The following BABAM2 variants were observed in gnomAD, a reference collection of about 807,000 sequenced individuals.
BABAM2 encodes BRISC and BRCA1-A complex member 2.
BABAM2 carries 31 observed loss-of-function variants against 54.7 expected under a neutral mutation model. The observed-to-expected ratio is 0.57, with a 90% confidence interval of 0.43 to 0.77. The LOEUF (loss-of-function observed/expected upper bound fraction) is 0.77. BABAM2 is among the 30% of genes least tolerant of loss of function. The pLI, the probability that BABAM2 is intolerant of heterozygous loss-of-function variation, is 0.00. For missense variants in BABAM2, 364 were observed against 455.8 expected (o/e 0.80, Z 1.83); for synonymous variants, 167 against 162.9 (o/e 1.03, Z -0.19).
chr2:28,216,179 A>G (rs146102983), intron 7 of BABAM2, among the ~76,000 whole-genome samples: 1,820 of 152,344 alleles, frequency 0.012, 28 homozygotes, highest in South Asian at 0.051. Flanking sequence ...TTTAATTGCC[A>G]TATTTTAAAA....
chr2:28,290,996 AAAG>A (rs1687238307), intron 10 of BABAM2, among the ~76,000 whole-genome samples: 1 of 152,224 alleles, frequency 6.6e-6, no homozygotes, highest in African/African-American at 2.4e-5. Flanking sequence ...AAAACCACTT[AAAG>A]AAGGGTGGTA....
chr2:28,117,055 C>T (rs1471091402), intron 6 of BABAM2, among the ~76,000 whole-genome samples: 2 of 152,168 alleles, frequency 1.3e-5, no homozygotes, highest in Non-Finnish European at 2.9e-5. Flanking sequence ...GCAGTGAGTG[C>T]AAGGTGTTCT....
At chr2:28,083,583 C>A (rs182894030) in intron 6 of BABAM2, among the ~76,000 whole-genome samples, 8 of 152,078 alleles carry the variant, frequency 5.3e-5, no homozygotes, top group Admixed American at 2.6e-4. Context: ...CCTAACCAGC[C>A]CTCCCTTCCT....
intron 6 of BABAM2, among the ~76,000 whole-genome samples, chr2:28,105,246 T>A (rs1020367928): frequency 1.3e-5 from 2 of 152,144 alleles, no homozygotes. Context: ...AAAGTATTGC[T>A]TTAGCATCTC....
rs939187844 is a variant in BABAM2, at chr2:28,325,287, C to T, written c.1089-13163C>T. Among the ~76,000 whole-genome samples the T allele has an allele frequency of 1.5e-4, 23 of 152,210 alleles. No individual in the cohort carries two copies. The highest frequency in any genetic ancestry group is 1.6e-4 in the Non-Finnish European group (11 of 68,042). ...TACCTGCTGTCAGCATGTGCAGGGC[C>T]CGAGCTGGTGCAGTGTGGAGTGATC... On this transcript the variant is annotated intron_variant, in intron 11 of 11. Transcript: ENST00000379624. The surrounding 1 kb of genome is among the most constrained non-coding windows in gnomAD (Gnocchi z 4.3).
intron 2 of BABAM2, among the ~76,000 whole-genome samples, chr2:27,920,933 T>C (rs747089442): frequency 4.6e-5 from 7 of 152,236 alleles, no homozygotes; most frequent in Admixed American, 2.6e-4. Context: ...GTTTTAAAGG[T>C]TGTAGAATAT....
At chr2:27,981,658 T>C (rs1054763978) in intron 3 of BABAM2, among the ~76,000 whole-genome samples, 2 of 152,134 alleles carry the variant, frequency 1.3e-5, no homozygotes, top group Non-Finnish European at 2.9e-5. Context: ...TAGCTTAATG[T>C]TTTCAAGGTT....
intron 7 of BABAM2, among the ~76,000 whole-genome samples, chr2:28,193,447 A>G (rs1387379318): frequency 1.3e-5 from 2 of 152,116 alleles, no homozygotes; most frequent in Non-Finnish European, 2.9e-5. Context: ...TCGGCAAGTC[A>G]TGTGTCACTG....
chr2:28,117,028 T>A (rs1247346706), intron 6 of BABAM2, among the ~76,000 whole-genome samples: 1 of 152,198 alleles, frequency 6.6e-6, no homozygotes, highest in Non-Finnish European at 1.5e-5. Flanking sequence ...ACCTTTTCCT[T>A]CATTGATTGA....
At chr2:27,903,139 G>C (rs937051298) in intron 2 of BABAM2, among the ~76,000 whole-genome samples, 1 of 138,992 alleles carries the variant, frequency 7.2e-6, no homozygotes, top group Non-Finnish European at 1.5e-5. Flanking sequence ...CTCATTTATT[G>C]AGAAGGCCAT....
At chr2:27,985,922 TAGTC>T (rs1425000252) in intron 3 of BABAM2, among the ~76,000 whole-genome samples, 1 of 152,164 alleles carries the variant, frequency 6.6e-6, no homozygotes, top group Non-Finnish European at 1.5e-5. Context: ...ATGGCGTAAT[TAGTC>T]AGGATTTTAA....
intron 10 of BABAM2, among the ~76,000 whole-genome samples, chr2:28,289,888 G>C (rs970437313): frequency 6.6e-6 from 1 of 152,122 alleles, no homozygotes; most frequent in Non-Finnish European, 1.5e-5. Flanking sequence ...TGTCAATTCA[G>C]TTGAAGCCCC....
intron 7 of BABAM2, among the ~76,000 whole-genome samples, chr2:28,217,229 G>T (rs1370883152): frequency 6.6e-6 from 1 of 152,210 alleles, no homozygotes; most frequent in Admixed American, 6.5e-5. Flanking sequence ...TTGAATGAAT[G>T]AGTCATAGAG....
chr2:28,028,203 G>A lies in BABAM2; in HGVS notation c.495+2783G>A, dbSNP rs1327438148. Among the ~76,000 whole-genome samples the A allele has an allele frequency of 2.6e-5, 4 of 152,088 alleles. No homozygotes were observed. In the South Asian group the frequency reaches 6.2e-4, roughly 24 times the overall value. On this transcript the variant is annotated intron_variant, in intron 5 of 11. Transcript: ENST00000379624. ...CAGTGCTGGCTGTTGTCTGGAGGCC[G>A]CCTTCAACTCCTTGCCTCTCTACAG...
chr2:27,942,695 T>G lies in BABAM2; in HGVS notation c.205+12787T>G, dbSNP rs115478741. Among the ~76,000 whole-genome samples, 788 of 152,246 alleles carry G rather than the reference T, an allele frequency of 5.2e-3. 6 individuals carry two copies. The highest frequency in any genetic ancestry group is 0.018 in the African/African-American group (742 of 41,558). On this transcript the variant is annotated intron_variant, in intron 3 of 11. Transcript: ENST00000379624. Reference sequence around the variant, plus strand: ...GGTTTCTTAATGTAATAGGCTGTTCTTTAATTGTTTCATAGCCTGCCTACC... The same window carrying G: ...GGTTTCTTAATGTAATAGGCTGTTCGTTAATTGTTTCATAGCCTGCCTACC...
intron 2 of BABAM2, among the ~76,000 whole-genome samples, chr2:27,921,120 C>A (rs1424008750): frequency 6.6e-6 from 1 of 152,098 alleles, no homozygotes; most frequent in African/African-American, 2.4e-5. Flanking sequence ...ATTTACCTTT[C>A]ATTATTTACT....
At chr2:28,023,707 G>T (rs1294005529) in intron 4 of BABAM2, among the ~76,000 whole-genome samples, 2 of 152,250 alleles carry the variant, frequency 1.3e-5, no homozygotes, top group East Asian at 1.9e-4. Flanking sequence ...TTTCCCCATT[G>T]TCATTTAGTT....
chr2:28,018,959 C>A (rs1213811204), intron 4 of BABAM2, among the ~76,000 whole-genome samples: 1 of 152,014 alleles, frequency 6.6e-6, no homozygotes, highest in Non-Finnish European at 1.5e-5. Flanking sequence ...GTTTTAAGCC[C>A]CACATGCATT....
intron 10 of BABAM2, among the ~76,000 whole-genome samples, chr2:28,260,669 G>C (rs1028771657): frequency 1.3e-5 from 2 of 152,074 alleles, no homozygotes; most frequent in African/African-American, 4.8e-5. Flanking sequence ...GTGCGTTCTA[G>C]AATCAGCTTG....
Sources: gnomAD v4.1 joint callset for allele counts (sites outside exome capture counted in the v4.1 genomes callset) on GRCh38, gnomAD v4.1.1 for gene constraint, Gnocchi (gnomAD v3.1) non-coding constraint, MANE v1.5 for transcripts, NCBI Gene and HGNC (gene_info 2026-07-23, HGNC 2026-07-21) for gene names.